SPAG16: variants seen among roughly 807,000 people sequenced by gnomAD.
SPAG16 encodes sperm-associated antigen 16 protein.
SPAG16 carries 86 observed loss-of-function variants against 80.4 expected under a neutral mutation model. The observed-to-expected ratio is 1.07, with a 90% confidence interval of 0.90 to 1.28. The LOEUF (loss-of-function observed/expected upper bound fraction) is 1.28, where lower values mean the gene tolerates loss of function less well. Among genes scored for constraint, SPAG16 ranks in the 50% most tolerant of loss-of-function variants. The pLI is 0.00. For missense variants in SPAG16, 870 were observed against 765.3 expected (o/e 1.14, Z -1.61); for synonymous variants, 294 against 265.9 (o/e 1.11, Z -1.03).
At chr2:214,072,300 T>A (rs989327877) in intron 13 of SPAG16, among the ~76,000 whole-genome samples, 6 of 152,162 alleles carry the variant, frequency 3.9e-5, no homozygotes, top group Non-Finnish European at 8.8e-5. Context: ...ATTAAGGATA[T>A]GAAGAAAGCT....
chr2:213,957,281 G>A (rs1008605852), intron 12 of SPAG16, among the ~76,000 whole-genome samples: 7 of 152,098 alleles, frequency 4.6e-5, no homozygotes, highest in Non-Finnish European at 4.4e-5. Flanking sequence ...TTGCTGGTCA[G>A]ACCATTGATG....
intron 13 of SPAG16, among the ~76,000 whole-genome samples, chr2:214,060,912 T>C (rs13011568): frequency 0.25 from 38,602 of 152,114 alleles, 4,999 homozygotes; most frequent in East Asian, 0.33. Flanking sequence ...GAAGCAATGA[T>C]TTTCAAGACA....
intron 6 of SPAG16, among the ~76,000 whole-genome samples, chr2:213,344,773 C>T (rs1272246647): frequency 6.6e-6 from 1 of 152,122 alleles, no homozygotes; most frequent in Non-Finnish European, 1.5e-5. Flanking sequence ...TTAATCCAGT[C>T]TATCATTGTT....
chr2:213,588,536 C>G (rs1443298583), intron 10 of SPAG16, among the ~76,000 whole-genome samples: 1 of 150,836 alleles, frequency 6.6e-6, no homozygotes, highest in Non-Finnish European at 1.5e-5. Context: ...GGCGCGGTGG[C>G]TCACGCCTGT....
At chr2:213,442,987 T>G (rs900343239) in intron 9 of SPAG16, among the ~76,000 whole-genome samples, 6 of 152,094 alleles carry the variant, frequency 3.9e-5, no homozygotes, top group Admixed American at 1.3e-4. Flanking sequence ...AGATAAAACA[T>G]TTGCAGGAGA....
chr2:214,225,461 A>G (rs1231884577), intron 15 of SPAG16, among the ~76,000 whole-genome samples: 1 of 152,118 alleles, frequency 6.6e-6, no homozygotes, highest in East Asian at 1.9e-4. Context: ...ACATGGTTCT[A>G]TTCTAAGTGT....
At chr2:214,198,668 G>T (rs991215516) in intron 15 of SPAG16, among the ~76,000 whole-genome samples, 2 of 151,924 alleles carry the variant, frequency 1.3e-5, no homozygotes, top group East Asian at 3.9e-4. Flanking sequence ...TCTTTAAGGA[G>T]GCTCTATACT....
intron 10 of SPAG16, among the ~76,000 whole-genome samples, chr2:213,509,517 T>G (rs1010175100): frequency 7.9e-5 from 12 of 152,188 alleles, no homozygotes; most frequent in African/African-American, 2.9e-4. Context: ...CCATCTAACC[T>G]CTATTTACTC....
intron 10 of SPAG16, among the ~76,000 whole-genome samples, chr2:213,497,356 T>A (rs2074538085): frequency 6.6e-6 from 1 of 152,066 alleles, no homozygotes; most frequent in South Asian, 2.1e-4. Context: ...AGCCATTGCA[T>A]GTGTTTGTCT....
chr2:213,476,641 A>C (rs1014642339), intron 9 of SPAG16, among the ~76,000 whole-genome samples: 1 of 152,196 alleles, frequency 6.6e-6, no homozygotes, highest in Non-Finnish European at 1.5e-5. Context: ...GAACCCCCAG[A>C]AATGTTGTGG....
intron 14 of SPAG16, 70 bp downstream of exon 14, chr2:214,108,331 T>C: frequency 7.7e-7 from 1 of 1,290,748 alleles, no homozygotes; most frequent in Non-Finnish European, 1.1e-6. Flanking sequence ...ATAAAACAAA[T>C]TTCCAAGCTA....
chr2:213,566,028 C>A (rs35062218), intron 10 of SPAG16, among the ~76,000 whole-genome samples: 1 of 152,088 alleles, frequency 6.6e-6, no homozygotes, highest in South Asian at 2.1e-4. Flanking sequence ...AGCTTTTAAA[C>A]TAGAGGTCAT....
chr2:213,435,264 T>G (rs540729789), intron 9 of SPAG16, among the ~76,000 whole-genome samples: 11 of 152,224 alleles, frequency 7.2e-5, no homozygotes, highest in Non-Finnish European at 1.6e-4. Context: ...GTCATTATCT[T>G]AGGTGAAACA....
chr2:213,652,447 CACACAT>C (rs1177540011), intron 10 of SPAG16, among the ~76,000 whole-genome samples: 1 of 152,116 alleles, frequency 6.6e-6, no homozygotes, highest in Non-Finnish European at 1.5e-5. Context: ...CTTTAATACA[CACACAT>C]ACACATACAT....
In SPAG16 at chr2:214,084,094, T is replaced by G. The variant is rs148124085; in HGVS notation, c.1528-24102T>G. On this transcript the variant is annotated intron_variant, in intron 13 of 15. Coordinates refer to ENST00000331683, the MANE Select transcript of SPAG16 (RefSeq NM_024532.5). ...CTTTATTTTCCCTTCACTTTAAAAT[T>G]TATTTTCATCCATCTTCTCTTCCTT... Among the ~76,000 whole-genome samples, 52 of 152,280 alleles carry G rather than the reference T, an allele frequency of 3.4e-4. No individual in the cohort carries two copies. In the East Asian group the frequency reaches 6.9e-3, roughly 20 times the overall value.
intron 13 of SPAG16, among the ~76,000 whole-genome samples, chr2:214,046,896 T>A (rs1327464729): frequency 8.9e-6 from 1 of 112,286 alleles, no homozygotes. Context: ...ATGTCAAAAG[T>A]AAACAATCTG....
At chr2:214,368,802 A>G (rs573910908) in intron 15 of SPAG16, among the ~76,000 whole-genome samples, 1 of 152,102 alleles carries the variant, frequency 6.6e-6, no homozygotes, top group Non-Finnish European at 1.5e-5. Context: ...CACACCATGG[A>G]CCTTTGTAAT....
At position 213,863,434 on chromosome 2, in the gene SPAG16, A is replaced by G. The variant is rs143933954; in HGVS notation, c.1214+806A>G. 1.5e-3 allele frequency among the ~76,000 whole-genome samples: 231 copies of G among 152,188 alleles called. 7 individuals carry two copies. The East Asian group carries it at 0.042, about 27-fold the overall frequency. ...AATCAGTTTTTATTTTATCTTTGCT[A>G]TGAATGTCTATGAAATTAGATAAAA... is the stretch of plus-strand genomic sequence containing the variant. On this transcript the variant is annotated intron_variant, in intron 11 of 15. Coordinates refer to ENST00000331683, the MANE Select transcript of SPAG16 (RefSeq NM_024532.5).
At chr2:213,597,657 G>A (rs555413178) in intron 10 of SPAG16, among the ~76,000 whole-genome samples, 2 of 152,000 alleles carry the variant, frequency 1.3e-5, no homozygotes, top group East Asian at 1.9e-4. Context: ...AAGTCTATGC[G>A]CCTTGTTTCT....
Sources: allele counts gnomAD v4.1 joint callset (sites outside exome capture counted in the v4.1 genomes callset), GRCh38; gene constraint gnomAD v4.1.1; transcripts MANE v1.5; gene names NCBI Gene and HGNC (gene_info 2026-07-23, HGNC 2026-07-21).